The following MAP4K3 variants were observed in gnomAD, a reference collection of about 807,000 sequenced individuals.
MAP4K3 encodes mitogen-activated protein kinase kinase kinase kinase 3.
A neutral mutation model predicts 143.5 loss-of-function variants in MAP4K3; 94 were observed. The ratio of observed to expected loss-of-function variants is 0.65; its 90% CI spans 0.55 to 0.78. The LOEUF is 0.78. Among genes scored for constraint, MAP4K3 ranks in the 30% least tolerant of loss-of-function variants. MAP4K3 has a pLI of 0.00. For synonymous variants in MAP4K3, 416 were observed against 347.2 expected (o/e 1.20, Z -2.20); for missense variants, 1,077 against 1,068.1 (o/e 1.01, Z -0.12).
rs1375799306 is a variant in MAP4K3 at position 39,293,213 on chromosome 2, T to G, written c.1217+17A>C. 1 of 1,526,940 alleles carries G rather than the reference T, an allele frequency of 6.5e-7. No individual in the cohort carries two copies. The highest frequency in any genetic ancestry group is 8.9e-7 in the Non-Finnish European group (1 of 1,124,906). 94.6% of individuals were successfully genotyped at this position (1,526,940 alleles called of 1,614,324 possible). On this transcript the variant is annotated intron_variant, in intron 17 of 33. Transcript: ENST00000263881. ...GTCTGTGACATAAAGTACTTTAAGATTAAAAATTAAAATTACCGCTGATGC... is the reference window on the plus strand; with the variant it reads ...GTCTGTGACATAAAGTACTTTAAGAGTAAAAATTAAAATTACCGCTGATGC...
chr2:39,308,584 CAG>C (rs1682803869), intron 14 of MAP4K3, among the ~76,000 whole-genome samples: 1 of 152,078 alleles, frequency 6.6e-6, no homozygotes, highest in Admixed American at 6.5e-5. Context: ...AAAAATGAAA[CAG>C]ACATCATATG....
At chr2:39,305,771 G>A (rs187037195) in intron 15 of MAP4K3, among the ~76,000 whole-genome samples, 14 of 152,146 alleles carry the variant, frequency 9.2e-5, no homozygotes, top group African/African-American at 3.1e-4. Flanking sequence ...GCCACAATAT[G>A]GTAACTTATT....
At chr2:39,396,338 C>CT (rs1216042214) in intron 1 of MAP4K3, among the ~76,000 whole-genome samples, 1 of 152,060 alleles carries the variant, frequency 6.6e-6, no homozygotes, top group Admixed American at 6.6e-5. Context: ...TGCACCCGGC[C>CT]TACAAGTATT....
chr2:39,361,756 G>T (rs1449639237), intron 2 of MAP4K3, among the ~76,000 whole-genome samples: 2 of 151,020 alleles, frequency 1.3e-5, no homozygotes, highest in African/African-American at 2.4e-5. Context: ...ATTTAAAACA[G>T]AATCTGCTCT....
intron 1 of MAP4K3, among the ~76,000 whole-genome samples, chr2:39,385,583 T>TATATACATAC (rs1553422498): frequency 1.3e-5 from 1 of 77,250 alleles, no homozygotes; most frequent in African/African-American, 3.6e-5. Context: ...TATATATATA[T>TATATACATAC]ATATATATAT....
At chr2:39,278,515 T>G in intron 23 of MAP4K3, 29 bp from the exon 24 acceptor site, 1 of 1,258,014 alleles carries the variant, frequency 7.9e-7, no homozygotes, top group East Asian at 2.3e-5. Context: ...ACTGACTGAT[T>G]TTGGTAAATA....
At chr2:39,339,956 T>A (rs1301825027) in intron 4 of MAP4K3, among the ~76,000 whole-genome samples, 2 of 151,944 alleles carry the variant, frequency 1.3e-5, no homozygotes, top group African/African-American at 4.8e-5. Context: ...CATAAAGATA[T>A]AACGGGTTGT....
chr2:39,292,656 C>T (rs964679052), intron 18 of MAP4K3, 117 bp downstream of exon 18: 2 of 816,302 alleles, frequency 2.5e-6, no homozygotes, highest in Admixed American at 2.0e-5. Flanking sequence ...AACTGAGATA[C>T]AACCCATGAT....
At chr2:39,415,336 G>A (rs1667341904) in intron 1 of MAP4K3, among the ~76,000 whole-genome samples, 1 of 152,162 alleles carries the variant, frequency 6.6e-6, no homozygotes, top group South Asian at 2.1e-4. Context: ...CTAAAATAAT[G>A]GGAATTCTCA....
chr2:39,281,743 T>C (rs1053684330), intron 22 of MAP4K3, among the ~76,000 whole-genome samples: 1 of 151,456 alleles, frequency 6.6e-6, no homozygotes, highest in Non-Finnish European at 1.5e-5. Flanking sequence ...GTAATATATA[T>C]GCTATATAAT....
intron 2 of MAP4K3, among the ~76,000 whole-genome samples, chr2:39,369,885 A>G (rs752723019): frequency 4.5e-4 from 69 of 152,314 alleles, no homozygotes; most frequent in Middle Eastern, 6.8e-3. Context: ...CACAGCCATC[A>G]CCGTTCCTTA....
At chr2:39,274,111 G>C (rs1681149021) in intron 24 of MAP4K3, among the ~76,000 whole-genome samples, 1 of 151,998 alleles carries the variant, frequency 6.6e-6, no homozygotes, top group Non-Finnish European at 1.5e-5. Flanking sequence ...AAAGTAGCAA[G>C]ACAAGACACA....
intron 12 of MAP4K3, among the ~76,000 whole-genome samples, chr2:39,317,364 T>C (rs189694899): frequency 7.5e-4 from 114 of 152,272 alleles, no homozygotes; most frequent in African/African-American, 2.5e-3. Context: ...AAAGATTTCA[T>C]GATGAAGATG....
chr2:39,360,813 C>A (rs1456071502), intron 2 of MAP4K3, among the ~76,000 whole-genome samples: 1 of 152,138 alleles, frequency 6.6e-6, no homozygotes, highest in South Asian at 2.1e-4. Context: ...ACGAGAACAG[C>A]AGCAGGGGGT....
chr2:39,409,675 G>A (rs1183733385), intron 1 of MAP4K3, among the ~76,000 whole-genome samples: 1 of 152,172 alleles, frequency 6.6e-6, no homozygotes, highest in Non-Finnish European at 1.5e-5. Flanking sequence ...AAGCATAGTA[G>A]ATATTGAGAT....
intron 4 of MAP4K3, among the ~76,000 whole-genome samples, chr2:39,342,257 G>A (rs1023466600): frequency 3.9e-5 from 6 of 152,016 alleles, no homozygotes; most frequent in Non-Finnish European, 8.8e-5. Flanking sequence ...TCCCGCCGCA[G>A]CCTTTGGAGT....
chr2:39,374,410 G>A (rs1055502277), intron 2 of MAP4K3, among the ~76,000 whole-genome samples: 8 of 151,888 alleles, frequency 5.3e-5, no homozygotes, highest in African/African-American at 1.7e-4. Context: ...GGCCAGGTTC[G>A]GTGGTTCACG....
At chr2:39,402,996 T>C (rs1001425221) in intron 1 of MAP4K3, among the ~76,000 whole-genome samples, 24 of 152,206 alleles carry the variant, frequency 1.6e-4, no homozygotes, top group Non-Finnish European at 2.5e-4. Flanking sequence ...CCAAATCTCA[T>C]TAAAGAAATA....
chr2:39,305,161 G>A (rs886294652), intron 15 of MAP4K3, among the ~76,000 whole-genome samples: 3 of 152,170 alleles, frequency 2.0e-5, no homozygotes, highest in African/African-American at 7.2e-5. Flanking sequence ...CAATGTGAAT[G>A]TACATAATGC....
Sources: gnomAD v4.1 joint callset for allele counts (sites outside exome capture counted in the v4.1 genomes callset) on GRCh38, gnomAD v4.1.1 for gene constraint, MANE v1.5 for transcripts, NCBI Gene and HGNC (gene_info 2026-07-23, HGNC 2026-07-21) for gene names.